Variants in STK38L observed in about 807,000 individuals in gnomAD.
STK38L encodes the protein serine/threonine kinase 38 like.
STK38L carries 28 observed loss-of-function variants against 59.7 expected under a neutral mutation model. That is an observed-to-expected ratio of 0.47 (90% CI 0.35 to 0.64). The LOEUF is 0.64. STK38L is among the 30% of genes least tolerant of loss of function. STK38L has a pLI of 0.01. For synonymous variants in STK38L, 162 were observed against 176.8 expected (o/e 0.92, Z 0.66); for missense variants, 314 against 555.8 (o/e 0.56, Z 4.37).
rs188907640 is a variant in STK38L at position 27,315,757 on chromosome 12, T to G, written c.837+407T>G. On this transcript the variant is annotated intron_variant, in intron 9 of 13. Coordinates refer to ENST00000389032, the MANE Select transcript of STK38L (RefSeq NM_015000.4). ...TTGTGAGTTTCTAAAAACTTCTTTA[T>G]AGACAAAGTAAACAGGAAGTTTGGG... Among the ~76,000 whole-genome samples, 43 of 152,320 alleles carry G rather than the reference T, an allele frequency of 2.8e-4. 1 individual carries two copies. In the East Asian group the frequency reaches 4.8e-3, roughly 17 times the overall value.
At chr12:27,289,249 T>A (rs528653373) in intron 1 of STK38L, among the ~76,000 whole-genome samples, 1 of 152,338 alleles carries the variant, frequency 6.6e-6, no homozygotes, top group East Asian at 1.9e-4. Context: ...TATCTAAACA[T>A]TAAGATCGGT....
chr12:27,269,957 AGT>A (rs1244873068), intron 1 of STK38L, among the ~76,000 whole-genome samples: 1 of 152,184 alleles, frequency 6.6e-6, no homozygotes, highest in Admixed American at 6.5e-5. Flanking sequence ...TTCAATCGTA[AGT>A]ACCCTTTTTT....
chr12:27,302,168 G>T lies in STK38L; in HGVS notation c.166G>T (p.Glu56Ter). The T allele has an allele frequency of 6.2e-7, 1 of 1,607,716 alleles. No individual in the cohort carries two copies. The highest frequency in any genetic ancestry group is 8.5e-7 in the Non-Finnish European group (1 of 1,177,076). The change falls in exon 3 of 14, where the codon GAA becomes TAA. Residue 56 changes from glutamate (E) to a stop codon, truncating the protein, a stop_gained. Coordinates refer to ENST00000389032, the MANE Select transcript of STK38L (RefSeq NM_015000.4). LOFTEE classifies it high-confidence loss of function. ...GAAATTAGAAGTGGCCATGGAAGAA[G>T]AAGGATTAGCAGATGAAGAGGTAAT... is the stretch of plus-strand genomic sequence containing the variant. Reference protein sequence around the residue: ...QKKLEVAMEEEGLADEEKKLR... With the variant: ...QKKLEVAMEE
At chr12:27,292,438 G>A (rs935388933) in intron 1 of STK38L, among the ~76,000 whole-genome samples, 1 of 152,004 alleles carries the variant, frequency 6.6e-6, no homozygotes, top group African/African-American at 2.4e-5. Flanking sequence ...CATGAGTAAG[G>A]GTGGGATTTT....
At chr12:27,320,442 A>ATTTTTT (rs34281958) in intron 12 of STK38L, among the ~76,000 whole-genome samples, 52 of 91,892 alleles carry the variant, frequency 5.7e-4, no homozygotes, top group Middle Eastern at 9.4e-3. Context: ...AATTTTGTTG[A>ATTTTTT]TTTTTTTTTT....
At chr12:27,285,964 A>C (rs953437289) in intron 1 of STK38L, among the ~76,000 whole-genome samples, 1 of 152,146 alleles carries the variant, frequency 6.6e-6, no homozygotes, top group African/African-American at 2.4e-5. Flanking sequence ...TTGAGAAGAG[A>C]GTGATAGTTT....
chr12:27,256,055 T>C (rs1189180745), intron 1 of STK38L, among the ~76,000 whole-genome samples: 3 of 152,228 alleles, frequency 2.0e-5, no homozygotes, highest in Non-Finnish European at 4.4e-5. Context: ...ATGACTGACA[T>C]CTAGTCATTT....
At position 27,308,959 on chromosome 12, in the gene STK38L, TA is replaced by T. The variant is rs1267157609; in HGVS notation, c.310-150del. Among the ~76,000 whole-genome samples the T allele has an allele frequency of 2.8e-5, 4 of 144,076 alleles. No individual in the cohort carries two copies. The highest frequency in any genetic ancestry group is 4.2e-4 in the South Asian group (2 of 4,708). 94.5% of individuals were successfully genotyped at this position (144,076 alleles called of 152,430 possible). On this transcript the variant is annotated intron_variant, in intron 4 of 13. Coordinates refer to ENST00000389032, the MANE Select transcript of STK38L (RefSeq NM_015000.4). This position sits in a 1 kb window ranked among gnomAD's most constrained non-coding sequence, Gnocchi z 4.5. ...TATATAAATATATATATAACATATATAAAAATATATAGATATAAAAATATAT... is the reference window on the plus strand; with the variant it reads ...TATATAAATATATATATAACATATATAAAATATATAGATATAAAAATATAT...
chr12:27,315,554 TTAGAG>T (rs1944565985), intron 9 of STK38L, among the ~76,000 whole-genome samples: 2 of 152,214 alleles, frequency 1.3e-5, no homozygotes, highest in South Asian at 2.1e-4. Flanking sequence ...CTTTGTAACT[TTAGAG>T]TAGTTTACTG....
intron 1 of STK38L, among the ~76,000 whole-genome samples, chr12:27,292,695 G>A (rs1943922711): frequency 1.3e-5 from 2 of 152,014 alleles, no homozygotes; most frequent in Admixed American, 1.3e-4. Context: ...GCCCTTATTT[G>A]GTTTTTAAAC....
At chr12:27,311,617 CAT>C (rs373866209) in intron 5 of STK38L, among the ~76,000 whole-genome samples, 3 of 152,314 alleles carry the variant, frequency 2.0e-5, no homozygotes, top group African/African-American at 7.2e-5. Flanking sequence ...AACATTTTCA[CAT>C]GATAGTATCT....
At chr12:27,247,448 A>C (rs1942878828) in intron 1 of STK38L, among the ~76,000 whole-genome samples, 1 of 152,338 alleles carries the variant, frequency 6.6e-6, no homozygotes, top group African/African-American at 2.4e-5. Context: ...TCAGTTTTCT[A>C]GAAAGAGTTC....
intron 1 of STK38L, among the ~76,000 whole-genome samples, chr12:27,292,866 T>A (rs1033329375): frequency 6.6e-6 from 1 of 152,234 alleles, no homozygotes; most frequent in African/African-American, 2.4e-5. Flanking sequence ...ATCTTCTATT[T>A]ACCTTCTTTT....
intron 1 of STK38L, among the ~76,000 whole-genome samples, chr12:27,268,726 G>C (rs561478270): frequency 1.3e-5 from 2 of 152,262 alleles, no homozygotes; most frequent in South Asian, 4.1e-4. Flanking sequence ...CTAGTTTACA[G>C]TCCCACCAAC....
At chr12:27,263,532 T>C (rs1450512378) in intron 1 of STK38L, among the ~76,000 whole-genome samples, 1 of 152,210 alleles carries the variant, frequency 6.6e-6, no homozygotes, top group Non-Finnish European at 1.5e-5. Context: ...ATCCCTGGTA[T>C]AGGGCACCTC....
At chr12:27,286,876 T>C (rs1452762882) in intron 1 of STK38L, among the ~76,000 whole-genome samples, 2 of 152,202 alleles carry the variant, frequency 1.3e-5, no homozygotes, top group Admixed American at 1.3e-4. Flanking sequence ...ACTACTTTCA[T>C]ATAGGGAACA....
intron 2 of STK38L, among the ~76,000 whole-genome samples, chr12:27,298,814 CA>C (rs1306208715): frequency 6.6e-6 from 1 of 152,224 alleles, no homozygotes; most frequent in Admixed American, 6.5e-5. Flanking sequence ...TTCGCTCAAG[CA>C]CAGGATGTGC....
intron 2 of STK38L, 119 bp from the exon 3 acceptor site, chr12:27,302,018 G>GTT (rs34324091): frequency 1.2e-3 from 643 of 551,920 alleles, no homozygotes; most frequent in South Asian, 2.6e-3. Context: ...CAACTTGAAA[G>GTT]TTTTTTTTTT....
intron 9 of STK38L, among the ~76,000 whole-genome samples, chr12:27,316,807 C>T (rs115390822): frequency 4.2e-4 from 64 of 152,148 alleles, no homozygotes; most frequent in African/African-American, 1.4e-3. Flanking sequence ...AAACACATGC[C>T]GTTTATTGTT....
Sources: gnomAD v4.1 joint callset for allele counts (sites outside exome capture counted in the v4.1 genomes callset) on GRCh38, gnomAD v4.1.1 for gene constraint, Gnocchi (gnomAD v3.1) non-coding constraint, MANE v1.5 for transcripts, NCBI Gene and HGNC (gene_info 2026-07-23, HGNC 2026-07-21) for gene names.